The following SAMTOR variants were observed in gnomAD, a reference collection of about 807,000 sequenced individuals.
SAMTOR encodes the protein S-adenosylmethionine sensor upstream of mTORC1.
the SAMTOR span, among the ~76,000 whole-genome samples, chr7:112,901,942 T>C: frequency 6.6e-6 from 1 of 152,084 alleles, no homozygotes; most frequent in Middle Eastern, 3.2e-3. Context: ...GACAACAGAG[T>C]ATTATTCAGC....
At chr7:112,820,092 T>C in the SAMTOR span, 1 of 152,534 alleles carries the variant, frequency 6.6e-6, no homozygotes, top group Admixed American at 6.5e-5. Flanking sequence ...TGTGGCATAT[T>C]TGAGCAACCA....
At chr7:112,849,319 T>C in the SAMTOR span, among the ~76,000 whole-genome samples, 1 of 152,144 alleles carries the variant, frequency 6.6e-6, no homozygotes, top group Admixed American at 6.5e-5. Flanking sequence ...AGAAAATAGT[T>C]TGGTACAGTA....
the SAMTOR span, among the ~76,000 whole-genome samples, chr7:112,830,204 T>C: frequency 3.3e-5 from 5 of 152,222 alleles, no homozygotes; most frequent in South Asian, 2.1e-4. Context: ...GCTTGTCTCA[T>C]TTGTTTTCCA....
chr7:112,939,453 C>G, the SAMTOR span: 4 of 1,383,062 alleles, frequency 2.9e-6, no homozygotes, highest in Non-Finnish European at 3.9e-6. Context: ...CAGACCAGGC[C>G]CGGGAGAGCA....
At chr7:112,835,743 T>G in the SAMTOR span, among the ~76,000 whole-genome samples, 10 of 152,190 alleles carry the variant, frequency 6.6e-5, no homozygotes, top group African/African-American at 1.7e-4. Flanking sequence ...GTATGTGGTT[T>G]TCTGTTCCTG....
At chr7:112,872,086 A>G in the SAMTOR span, among the ~76,000 whole-genome samples, 1 of 152,148 alleles carries the variant, frequency 6.6e-6, no homozygotes, top group Non-Finnish European at 1.5e-5. Context: ...TATCCCCCCA[A>G]AAAAATCGAG....
chr7:112,841,521 A>G, the SAMTOR span, among the ~76,000 whole-genome samples: 2 of 152,030 alleles, frequency 1.3e-5, no homozygotes, highest in East Asian at 3.8e-4. Flanking sequence ...TATAGATTTA[A>G]TGCTATCCCC....
chr7:112,854,111 C>G, the SAMTOR span, among the ~76,000 whole-genome samples: 1 of 151,932 alleles, frequency 6.6e-6, no homozygotes, highest in Non-Finnish European at 1.5e-5. Context: ...TCATTAGTTC[C>G]TCTTGTCTCA....
At chr7:112,912,241 T>A in the SAMTOR span, among the ~76,000 whole-genome samples, 3 of 152,008 alleles carry the variant, frequency 2.0e-5, no homozygotes, top group African/African-American at 7.2e-5. Flanking sequence ...TACCTTCAAA[T>A]AGTTCAGGAA....
At chr7:112,881,284 C>T in the SAMTOR span, among the ~76,000 whole-genome samples, 1 of 152,164 alleles carries the variant, frequency 6.6e-6, no homozygotes, top group African/African-American at 2.4e-5. Context: ...GTGCAGGCAC[C>T]CCTTGGCATG....
the SAMTOR span, among the ~76,000 whole-genome samples, chr7:112,903,149 T>A: frequency 0.011 from 1,622 of 151,952 alleles, 30 homozygotes; most frequent in African/African-American, 0.037. Flanking sequence ...CCCCGCCTCT[T>A]CTAAAATATA....
At chr7:112,902,664 A>G in the SAMTOR span, among the ~76,000 whole-genome samples, 1 of 152,078 alleles carries the variant, frequency 6.6e-6, no homozygotes, top group Admixed American at 6.5e-5. Flanking sequence ...TAAGTTTAAC[A>G]ACTCTAACAA....
At chr7:112,858,337 T>G in the SAMTOR span, among the ~76,000 whole-genome samples, 1 of 151,242 alleles carries the variant, frequency 6.6e-6, no homozygotes, top group Non-Finnish European at 1.5e-5. Context: ...CCATTAAAAA[T>G]AAACATGAAG....
the SAMTOR span, among the ~76,000 whole-genome samples, chr7:112,923,778 G>T: frequency 5.9e-5 from 9 of 151,990 alleles, no homozygotes; most frequent in Admixed American, 5.2e-4. Flanking sequence ...CAATAGCAAA[G>T]ACTTGGAACC....
At chr7:112,886,077 T>C in the SAMTOR span, among the ~76,000 whole-genome samples, 4 of 152,058 alleles carry the variant, frequency 2.6e-5, no homozygotes, top group African/African-American at 4.8e-5. Flanking sequence ...AAAAGCCCCT[T>C]ATAAAACTAT....
the SAMTOR span, among the ~76,000 whole-genome samples, chr7:112,917,445 T>G: frequency 2.0e-5 from 3 of 152,180 alleles, no homozygotes; most frequent in Non-Finnish European, 4.4e-5. Flanking sequence ...AAAACCCATC[T>G]GTACATCACC....
At chr7:112,903,622 G>T in the SAMTOR span, among the ~76,000 whole-genome samples, 1 of 152,136 alleles carries the variant, frequency 6.6e-6, no homozygotes, top group African/African-American at 2.4e-5. Flanking sequence ...AGGAATAAAA[G>T]TCTGGTAATT....
chr7:112,894,200 TGGGGAGAGAGGAGA>T, the SAMTOR span, among the ~76,000 whole-genome samples: 5 of 101,636 alleles, frequency 4.9e-5, no homozygotes, highest in East Asian at 5.7e-4. Flanking sequence ...GAGGGAAGAG[TGGGGAGAGAGGAGA>T]GGGGAGAGAG....
the SAMTOR span, among the ~76,000 whole-genome samples, chr7:112,916,392 C>G: frequency 1.7e-4 from 26 of 152,256 alleles, no homozygotes; most frequent in African/African-American, 6.0e-4. Flanking sequence ...GGTTCTTACA[C>G]CCCATAAGGA....
Sources: allele counts gnomAD v4.1 joint callset (sites outside exome capture counted in the v4.1 genomes callset), GRCh38; gene constraint gnomAD v4.1.1; transcripts MANE v1.5; gene names NCBI Gene and HGNC (gene_info 2026-07-23, HGNC 2026-07-21).